ELP3: variants seen among roughly 807,000 people sequenced by gnomAD.
ELP3 encodes the protein elongator complex protein 3.
In ELP3, 56 loss-of-function variants were observed where a neutral mutation model predicts 74.9. The observed-to-expected ratio is 0.75, with a 90% confidence interval of 0.60 to 0.93. The LOEUF (loss-of-function observed/expected upper bound fraction) is 0.93, where lower values mean the gene tolerates loss of function less well. Among genes scored for constraint, ELP3 ranks in the 40% least tolerant of loss-of-function variants. The pLI is 0.00. For missense variants in ELP3, 573 were observed against 686.5 expected (o/e 0.83, Z 1.85); for synonymous variants, 222 against 239.8 (o/e 0.93, Z 0.68).
At chr8:28,167,425 A>G (rs4732629) in intron 14 of ELP3, among the ~76,000 whole-genome samples, 74,105 of 151,972 alleles carry the variant, frequency 0.49, 18,913 homozygotes, top group East Asian at 0.91. Flanking sequence ...TTCGACCTTC[A>G]CCTGTCTCTC....
intron 14 of ELP3, among the ~76,000 whole-genome samples, chr8:28,186,643 T>C (rs1815251330): frequency 6.6e-6 from 1 of 152,226 alleles, no homozygotes; most frequent in East Asian, 1.9e-4. Context: ...AGTGAGGGCC[T>C]TCTTGCAGGT....
At chr8:28,180,255 C>T (rs1814950622) in intron 14 of ELP3, among the ~76,000 whole-genome samples, 1 of 152,140 alleles carries the variant, frequency 6.6e-6, no homozygotes, top group African/African-American at 2.4e-5. Context: ...TCCTGTGACT[C>T]CAGTTAAACA....
At chr8:28,187,419 C>G (rs1285203966) in intron 14 of ELP3, among the ~76,000 whole-genome samples, 1 of 152,184 alleles carries the variant, frequency 6.6e-6, no homozygotes, top group African/African-American at 2.4e-5. Flanking sequence ...CTCCTGGAGC[C>G]TTCATTCTGT....
At chr8:28,128,022 A>G (rs1254637359) in intron 7 of ELP3, among the ~76,000 whole-genome samples, 4 of 152,254 alleles carry the variant, frequency 2.6e-5, no homozygotes, top group African/African-American at 4.8e-5. Context: ...AAAATTACAG[A>G]AATTTTATGA....
chr8:28,167,723 A>T (rs1341870929), intron 14 of ELP3, among the ~76,000 whole-genome samples: 1 of 151,590 alleles, frequency 6.6e-6, no homozygotes, highest in Non-Finnish European at 1.5e-5. Flanking sequence ...TATCTTTGTG[A>T]CAAATTATCC....
In ELP3 at chr8:28,155,969, A is replaced by T; in HGVS notation, c.1128A>T (p.Ser376=). The T allele has an allele frequency of 1.9e-6, 3 of 1,613,884 alleles. No individual in the cohort carries two copies. The highest frequency in any genetic ancestry group is 2.5e-6 in the Non-Finnish European group (3 of 1,179,792). Reference sequence around the variant, plus strand: ...ATATTCCAATGCCTTTAGTTAGCTCAGGAGTAGAGCATGGTAACCTGAGAG... The same window carrying T: ...ATATTCCAATGCCTTTAGTTAGCTCTGGAGTAGAGCATGGTAACCTGAGAG... The part of the protein sequence containing the change: ...QRDIPMPLVS[S]GVEHGNLREL... Residue 376 remains serine (S), a synonymous_variant, in exon 11 of 15, where the codon TCA becomes TCT. Transcript: ENST00000256398.
intron 5 of ELP3, among the ~76,000 whole-genome samples, chr8:28,109,404 T>TC (rs1330996375): frequency 1.4e-4 from 22 of 152,290 alleles, no homozygotes; most frequent in African/African-American, 5.3e-4. Flanking sequence ...TGAAAAGGCT[T>TC]CCTCTCATTC....
At chr8:28,189,532 A>T (rs1380402389) in intron 14 of ELP3, 117 bp from the exon 15 acceptor site, 4 of 836,662 alleles carry the variant, frequency 4.8e-6, no homozygotes, top group Non-Finnish European at 7.9e-6. Context: ...CTGAGATTTT[A>T]TGTGGGAGAG....
At position 28,093,201 on chromosome 8, in the gene ELP3, A is replaced by G. The variant is rs1026978573; in HGVS notation, c.-14A>G. On this transcript the variant is annotated 5_prime_UTR_variant, in exon 1 of 15. Coordinates refer to ENST00000256398, the MANE Select transcript of ELP3 (RefSeq NM_018091.6). ...CATTTTTATCTCTGGTGGCTCTGCT[A>G]CGGCGGCGCAGAAATGAGGCAGAAG... 6.2e-7 allele frequency: 1 copy of G among 1,612,876 alleles called. No homozygotes were observed. The highest frequency in any genetic ancestry group is 8.5e-7 in the Non-Finnish European group (1 of 1,179,816).
intron 2 of ELP3, among the ~76,000 whole-genome samples, chr8:28,097,774 A>G (rs1460436222): frequency 6.6e-6 from 1 of 152,226 alleles, no homozygotes; most frequent in Non-Finnish European, 1.5e-5. Context: ...CACTTACTGT[A>G]TTCCAGACAC....
chr8:28,098,056 A>G (rs2130347357), intron 2 of ELP3, among the ~76,000 whole-genome samples: 1 of 152,168 alleles, frequency 6.6e-6, no homozygotes, highest in East Asian at 1.9e-4. Flanking sequence ...CTGTCAGGAA[A>G]ACCCTCCCTT....
chr8:28,116,764 C>T (rs956296919), intron 7 of ELP3, among the ~76,000 whole-genome samples: 1 of 152,018 alleles, frequency 6.6e-6, no homozygotes, highest in African/African-American at 2.4e-5. Context: ...ACAAAAAAAA[C>T]TGATCATTAA....
At chr8:28,157,981 TCTTCCTTCCTTCCTTCTTTC>T (rs1813899613) in intron 11 of ELP3, among the ~76,000 whole-genome samples, 1 of 145,662 alleles carries the variant, frequency 6.9e-6, no homozygotes, top group African/African-American at 2.5e-5. Context: ...TCCCTCCCTC[TCTTCCTTCCTTCCTTCTTTC>T]CTTCCTTCCT....
intron 10 of ELP3, among the ~76,000 whole-genome samples, chr8:28,148,805 T>C (rs1813530679): frequency 6.6e-6 from 1 of 152,236 alleles, no homozygotes; most frequent in African/African-American, 2.4e-5. Flanking sequence ...AATATTTTGT[T>C]GAGGATTTTT....
chr8:28,119,663 T>G (rs1280616408), intron 7 of ELP3, among the ~76,000 whole-genome samples: 1 of 137,330 alleles, frequency 7.3e-6, no homozygotes, highest in African/African-American at 2.7e-5. Flanking sequence ...TTTGATTATT[T>G]TTGACAAATG....
At chr8:28,186,123 C>T (rs1815229850) in intron 14 of ELP3, among the ~76,000 whole-genome samples, 1 of 151,964 alleles carries the variant, frequency 6.6e-6, no homozygotes, top group Non-Finnish European at 1.5e-5. Flanking sequence ...GTGGTATCTA[C>T]AGGAGTCAAA....
intron 10 of ELP3, among the ~76,000 whole-genome samples, chr8:28,148,072 A>G (rs1044768349): frequency 1.3e-5 from 2 of 152,218 alleles, no homozygotes; most frequent in African/African-American, 4.8e-5. Context: ...CCTTACATAC[A>G]AGGTCAACTA....
intron 6 of ELP3, 44 bp downstream of exon 6, chr8:28,110,482 A>C: frequency 6.9e-7 from 1 of 1,458,770 alleles, no homozygotes; most frequent in Non-Finnish European, 9.5e-7. Context: ...AGGTGTTTAT[A>C]CTTAGTAAGA....
chr8:28,101,193 C>T lies in ELP3; in HGVS notation c.258+1227C>T, dbSNP rs567906449. On this transcript the variant is annotated intron_variant, in intron 3 of 14. Transcript: ENST00000256398. ...AGCACTTTGGGAGGCCGAGGTGGGC[C>T]GATCACAAGGTCAGGTCAAGACCAT... is the stretch of plus-strand genomic sequence containing the variant. Among the ~76,000 whole-genome samples, 38 of 151,558 alleles carry T rather than the reference C, an allele frequency of 2.5e-4. No homozygotes were observed. In the South Asian group the frequency reaches 6.9e-3, roughly 27 times the overall value.
Sources: allele counts gnomAD v4.1 joint callset (sites outside exome capture counted in the v4.1 genomes callset), GRCh38; gene constraint gnomAD v4.1.1; transcripts MANE v1.5; gene names NCBI Gene and HGNC (gene_info 2026-07-23, HGNC 2026-07-21).